ZFYVE9: variants seen among roughly 807,000 people sequenced by gnomAD.
ZFYVE9 encodes the protein zinc finger FYVE domain-containing protein 9.
Under a neutral mutation model 126.7 loss-of-function variants are expected in ZFYVE9, and 43 were observed. The observed-to-expected ratio is 0.34, with a 90% CI of 0.27 to 0.44. The LOEUF is 0.44. Ranked by LOEUF, ZFYVE9 falls within the 20% of genes least tolerant of loss-of-function variation. ZFYVE9 has a pLI of 1.00. For synonymous variants in ZFYVE9, 521 were observed against 597.4 expected, an observed-to-expected ratio of 0.87 and a Z score of 1.87; for missense variants, 1,476 against 1,697.0, an observed-to-expected ratio of 0.87 and a Z score of 2.29.
chr1:52,263,295 G>A (rs1380682493), intron 4 of ZFYVE9, among the ~76,000 whole-genome samples: 1 of 152,048 alleles, frequency 6.6e-6, no homozygotes. Context: ...GGCCTTCATA[G>A]CAAAAACAGT....
At chr1:52,281,882 C>T in intron 10 of ZFYVE9, 66 bp downstream of exon 10, 1 of 1,576,276 alleles carries the variant, frequency 6.3e-7, no homozygotes, top group South Asian at 1.1e-5. Context: ...AATTCAAATA[C>T]AAAATAATAG....
chr1:52,146,728 TAATA>T (rs1228802433), intron 1 of ZFYVE9, among the ~76,000 whole-genome samples: 2 of 152,184 alleles, frequency 1.3e-5, no homozygotes, highest in Non-Finnish European at 2.9e-5. Flanking sequence ...AGTTTACTAT[TAATA>T]AGTAAAATCA....
At chr1:52,324,230 C>G (rs1030110065) in intron 13 of ZFYVE9, among the ~76,000 whole-genome samples, 1 of 148,944 alleles carries the variant, frequency 6.7e-6, no homozygotes, top group African/African-American at 2.5e-5. Context: ...GCCGGGGCAA[C>G]AGAACAAGAC....
intron 13 of ZFYVE9, among the ~76,000 whole-genome samples, chr1:52,330,167 C>T (rs762396422): frequency 2.0e-5 from 3 of 152,300 alleles, no homozygotes; most frequent in Non-Finnish European, 2.9e-5. Context: ...CACTTGAGGT[C>T]GGGAGTTCGA....
At chr1:52,212,271 A>G (rs1019650907) in intron 1 of ZFYVE9, among the ~76,000 whole-genome samples, 3 of 152,098 alleles carry the variant, frequency 2.0e-5, no homozygotes, top group East Asian at 1.9e-4. Context: ...CAGTCTCCCA[A>G]ATAGCTGGGA....
chr1:52,217,016 T>C (rs540271298), intron 2 of ZFYVE9, among the ~76,000 whole-genome samples: 17 of 152,162 alleles, frequency 1.1e-4, no homozygotes, highest in Non-Finnish European at 2.4e-4. Flanking sequence ...GAACCCCCAA[T>C]ATCTGTGTTG....
intron 13 of ZFYVE9, among the ~76,000 whole-genome samples, chr1:52,308,905 A>G (rs1319943239): frequency 6.6e-6 from 1 of 152,234 alleles, no homozygotes; most frequent in African/African-American, 2.4e-5. Flanking sequence ...GGAGTGGGTT[A>G]GCAAGAAATA....
chr1:52,142,466 G>C lies in ZFYVE9; in HGVS notation c.-143+63G>C, dbSNP rs576847488. The stretch of plus-strand genomic sequence containing the variant: ...TCCCGCCGCCTGTGGGGGCCCTGGC[G>C]GCAGACCGCGGGCCGGGCGGACGGG... On this transcript the variant is annotated intron_variant, in intron 1 of 18. Transcript: ENST00000287727. This position sits in a 1 kb window ranked among gnomAD's most constrained non-coding sequence, Gnocchi z 4.5. 2.2e-4 allele frequency: 33 copies of C among 152,136 alleles called. No individual in the cohort carries two copies. Among genetic ancestry groups the C allele is most frequent in the African/African-American group, 7.2e-4 (30 of 41,536 alleles). 9.4% of individuals were successfully genotyped at this position (152,136 alleles called of 1,614,324 possible).
At chr1:52,333,821 T>G (rs910861964) in intron 14 of ZFYVE9, among the ~76,000 whole-genome samples, 5 of 147,794 alleles carry the variant, frequency 3.4e-5, no homozygotes, top group Non-Finnish European at 7.4e-5. Context: ...CAGGGCATGG[T>G]GGCTCACGCC....
intron 13 of ZFYVE9, among the ~76,000 whole-genome samples, chr1:52,306,587 G>A (rs966797120): frequency 6.6e-6 from 1 of 152,248 alleles, no homozygotes; most frequent in African/African-American, 2.4e-5. Context: ...GCTGAAACAT[G>A]CCCCTTGCTT....
At position 52,334,786 on chromosome 1, in the gene ZFYVE9, C is replaced by A. The variant is rs745908308; in HGVS notation, c.3670+18C>A. 2 of 1,611,658 alleles carry A rather than the reference C, an allele frequency of 1.2e-6. No homozygotes were observed. The highest frequency in any genetic ancestry group is 1.1e-5 in the South Asian group (1 of 90,916). On this transcript the variant is annotated intron_variant, in intron 15 of 18. Coordinates refer to ENST00000287727, the MANE Select transcript of ZFYVE9 (RefSeq NM_004799.4). ...TGTGGAAGGTAAAGAATGAATTGTT[C>A]AGTCCTCATAATAAGGACTGAACTT...
intron 10 of ZFYVE9, among the ~76,000 whole-genome samples, chr1:52,284,675 T>C (rs969454270): frequency 6.6e-6 from 1 of 152,152 alleles, no homozygotes; most frequent in African/African-American, 2.4e-5. Flanking sequence ...CGCCTCGGCC[T>C]CCGAAAGTGC....
chr1:52,150,132 C>G, intron 1 of ZFYVE9: 1 of 152,224 alleles, frequency 6.6e-6, no homozygotes, highest in East Asian at 1.9e-4. Flanking sequence ...TGCGTCTAGT[C>G]TCAGTTACTT....
intron 4 of ZFYVE9, among the ~76,000 whole-genome samples, chr1:52,258,024 G>C (rs1645539549): frequency 6.6e-6 from 1 of 152,204 alleles, no homozygotes; most frequent in Admixed American, 6.5e-5. Context: ...ACTGCACCTA[G>C]TCCCAGTCAT....
At chr1:52,213,980 C>T (rs1441889550) in intron 1 of ZFYVE9, among the ~76,000 whole-genome samples, 1 of 152,032 alleles carries the variant, frequency 6.6e-6, no homozygotes, top group Non-Finnish European at 1.5e-5. Context: ...TTTGCAGAAT[C>T]CTATGTAGCC....
intron 13 of ZFYVE9, among the ~76,000 whole-genome samples, chr1:52,322,362 C>T (rs953002895): frequency 6.6e-6 from 1 of 150,684 alleles, no homozygotes; most frequent in Non-Finnish European, 1.5e-5. Context: ...AATGTAGCAG[C>T]CTAAGTGGTC....
rs142830489 is a variant in ZFYVE9 at position 52,233,016 on chromosome 1, G to A, written c.-36-155G>A. On this transcript the variant is annotated intron_variant, in intron 2 of 18. Coordinates refer to ENST00000287727, the MANE Select transcript of ZFYVE9 (RefSeq NM_004799.4). ...GCTTACAGGTTTTTAGAATTTATTA[G>A]CTTAAAGATCTTATAATATATCCAG... Among the ~76,000 whole-genome samples the A allele has an allele frequency of 1.8e-3, 280 of 151,970 alleles. 7 individuals are homozygous for A. Among genetic ancestry groups the A allele is most frequent in the East Asian group, 5.8e-3 (30 of 5,168 alleles).
At chr1:52,170,605 A>G (rs942877995) in intron 1 of ZFYVE9, among the ~76,000 whole-genome samples, 7 of 152,190 alleles carry the variant, frequency 4.6e-5, no homozygotes, top group African/African-American at 1.4e-4. Flanking sequence ...TTTTTGATGT[A>G]GGCACTTAGA....
chr1:52,341,347 G>A (rs528862625), intron 17 of ZFYVE9, among the ~76,000 whole-genome samples: 6 of 152,206 alleles, frequency 3.9e-5, no homozygotes, highest in Non-Finnish European at 7.3e-5. Flanking sequence ...CTTTCCCACT[G>A]TATTAATTTG....
Sources: allele counts gnomAD v4.1 joint callset (sites outside exome capture counted in the v4.1 genomes callset), GRCh38; gene constraint gnomAD v4.1.1; non-coding constraint Gnocchi (gnomAD v3.1); transcripts MANE v1.5; gene names NCBI Gene and HGNC (gene_info 2026-07-23, HGNC 2026-07-21).